XNDC1N: variants seen among roughly 807,000 people sequenced by gnomAD.
The protein encoded by XNDC1N is XRCC1 N-terminal domain containing 1, N-terminal like.
At chr11:71,882,178 AG>A in the XNDC1N span, among the ~76,000 whole-genome samples, 1 of 152,004 alleles carries the variant, frequency 6.6e-6, no homozygotes, top group Non-Finnish European at 1.5e-5. Flanking sequence ...AAACCACATA[AG>A]CAAAAAGAGA....
the XNDC1N span, among the ~76,000 whole-genome samples, chr11:71,891,624 C>T: frequency 2.0e-3 from 311 of 152,170 alleles, 1 homozygote; most frequent in Non-Finnish European, 3.5e-3. Context: ...TCATTCTTTT[C>T]CTTTCTGGAT....
chr11:71,916,279 AG>A, the XNDC1N span: 2 of 701,490 alleles, frequency 2.9e-6, no homozygotes, highest in Non-Finnish European at 5.2e-6. Context: ...AAACAAAATC[AG>A]GGGGGAATGG....
At chr11:71,884,180 A>G in the XNDC1N span, 2 of 397,694 alleles carry the variant, frequency 5.0e-6, no homozygotes, top group Non-Finnish European at 8.8e-6. Context: ...CTCATTTAAA[A>G]TTCTGTACAT....
chr11:71,915,186 C>T, the XNDC1N span, among the ~76,000 whole-genome samples: 4 of 152,098 alleles, frequency 2.6e-5, no homozygotes, highest in East Asian at 5.8e-4. Flanking sequence ...CGGTGGCTCA[C>T]GCCTGTAATC....
the XNDC1N span, among the ~76,000 whole-genome samples, chr11:71,892,301 T>C: frequency 5.3e-5 from 8 of 152,086 alleles, no homozygotes; most frequent in African/African-American, 1.9e-4. Flanking sequence ...GTAATATTTT[T>C]CTAAGTTGTT....
the XNDC1N span, among the ~76,000 whole-genome samples, chr11:71,899,559 T>C: frequency 2.0e-5 from 3 of 152,168 alleles, no homozygotes; most frequent in Non-Finnish European, 4.4e-5. Flanking sequence ...GAAATCAAGG[T>C]TTAAGGGATC....
chr11:71,917,089 T>G, the XNDC1N span: 1 of 263,512 alleles, frequency 3.8e-6, no homozygotes, highest in Non-Finnish European at 7.3e-6. Context: ...TCTTGGCTCA[T>G]TGTAACCTCT....
the XNDC1N span, among the ~76,000 whole-genome samples, chr11:71,872,744 A>G: frequency 6.6e-6 from 1 of 152,252 alleles, no homozygotes; most frequent in South Asian, 2.1e-4. Flanking sequence ...ACAAAAAAAG[A>G]AATAGGAATT....
At chr11:71,884,167 G>C in the XNDC1N span, 4 of 355,372 alleles carry the variant, frequency 1.1e-5, no homozygotes, top group East Asian at 1.9e-4. Flanking sequence ...TGTGGTAATA[G>C]TTCTCATTTA....
At chr11:71,878,455 G>A in the XNDC1N span, 1 of 1,611,740 alleles carries the variant, frequency 6.2e-7, no homozygotes, top group African/African-American at 1.3e-5. Context: ...ATTCAACCAT[G>A]AGGGTCTTGT....
the XNDC1N span, among the ~76,000 whole-genome samples, chr11:71,901,319 C>T: frequency 6.6e-6 from 1 of 152,112 alleles, no homozygotes; most frequent in African/African-American, 2.4e-5. Flanking sequence ...CTTTTGGAAG[C>T]TGGGAGCCGT....
the XNDC1N span, among the ~76,000 whole-genome samples, chr11:71,910,190 C>A: frequency 6.6e-6 from 1 of 152,210 alleles, no homozygotes; most frequent in Non-Finnish European, 1.5e-5. Context: ...AGCCACGGAC[C>A]AAGGACTACC....
chr11:71,917,817 T>C, the XNDC1N span: 2 of 699,348 alleles, frequency 2.9e-6, no homozygotes, highest in Non-Finnish European at 2.6e-6. Flanking sequence ...AGGAATGAGA[T>C]GACTGAAGAC....
the XNDC1N span, among the ~76,000 whole-genome samples, chr11:71,901,796 T>C: frequency 1.3e-5 from 2 of 152,102 alleles, no homozygotes; most frequent in African/African-American, 4.8e-5. Flanking sequence ...TTCCAGTTGA[T>C]CCGATGGAAG....
chr11:71,918,269 T>C, the XNDC1N span, among the ~76,000 whole-genome samples: 1 of 152,030 alleles, frequency 6.6e-6, no homozygotes, highest in Non-Finnish European at 1.5e-5. Context: ...TGTATGCAGG[T>C]TCTATTTGTT....
the XNDC1N span, among the ~76,000 whole-genome samples, chr11:71,870,879 G>A: frequency 1.1e-4 from 17 of 152,322 alleles, no homozygotes; most frequent in African/African-American, 3.8e-4. Flanking sequence ...AAGAGGAAAT[G>A]TAACAGGTGT....
At chr11:71,899,334 C>A in the XNDC1N span, among the ~76,000 whole-genome samples, 1 of 152,082 alleles carries the variant, frequency 6.6e-6, no homozygotes, top group Non-Finnish European at 1.5e-5. Flanking sequence ...TCTCCGTGGT[C>A]ATGGCCCAGC....
the XNDC1N span, among the ~76,000 whole-genome samples, chr11:71,880,306 T>C: frequency 6.6e-6 from 1 of 152,182 alleles, no homozygotes; most frequent in Non-Finnish European, 1.5e-5. Flanking sequence ...ATTTAGCATA[T>C]GGTTGTTTAT....
the XNDC1N span, among the ~76,000 whole-genome samples, chr11:71,910,260 A>C: frequency 1.3e-5 from 2 of 152,182 alleles, no homozygotes; most frequent in Non-Finnish European, 2.9e-5. Flanking sequence ...TCCAACAGTA[A>C]ATAACCCGTC....
Sources: allele counts gnomAD v4.1 joint callset (sites outside exome capture counted in the v4.1 genomes callset), GRCh38; gene constraint gnomAD v4.1.1; transcripts MANE v1.5; gene names NCBI Gene and HGNC (gene_info 2026-07-23, HGNC 2026-07-21).